Variants in NRG3 observed in about 807,000 individuals in gnomAD.
The protein encoded by NRG3 is neuregulin 3.
In NRG3, 31 loss-of-function variants were observed where a neutral mutation model predicts 66.9. The ratio of observed to expected loss-of-function variants is 0.46; its 90% confidence interval spans 0.35 to 0.63. The LOEUF (loss-of-function observed/expected upper bound fraction) is 0.63. Among genes scored for constraint, NRG3 ranks in the 20% least tolerant of loss-of-function variants. NRG3 has a pLI of 0.00. For synonymous variants in NRG3, 393 were observed against 359.4 expected (o/e 1.09, Z -1.06); for missense variants, 910 against 878.9 (o/e 1.04, Z -0.45).
chr10:82,632,727 T>C (rs1258934422), intron 2 of NRG3, among the ~76,000 whole-genome samples: 2 of 152,240 alleles, frequency 1.3e-5, no homozygotes, highest in Non-Finnish European at 2.9e-5. Context: ...CATAGTAATA[T>C]AAATCGTCTG....
intron 1 of NRG3, among the ~76,000 whole-genome samples, chr10:81,923,409 GT>G (rs1339462847): frequency 6.6e-6 from 1 of 152,108 alleles, no homozygotes; most frequent in Non-Finnish European, 1.5e-5. Context: ...GTTTCATCGT[GT>G]TAGCCAGAAT....
chr10:82,684,469 T>C (rs1012670818), intron 2 of NRG3, among the ~76,000 whole-genome samples: 3 of 152,158 alleles, frequency 2.0e-5, no homozygotes, highest in African/African-American at 7.2e-5. Context: ...TCCAATGCCA[T>C]TGAAAACCAA....
intron 1 of NRG3, among the ~76,000 whole-genome samples, chr10:82,334,095 G>C (rs185506370): frequency 1.3e-5 from 2 of 148,620 alleles, no homozygotes; most frequent in African/African-American, 5.0e-5. Context: ...GCGTGAACCC[G>C]GAAGGCGGAG....
intron 2 of NRG3, among the ~76,000 whole-genome samples, chr10:82,488,126 C>A (rs1464536482): frequency 6.6e-6 from 1 of 152,152 alleles, no homozygotes; most frequent in African/African-American, 2.4e-5. Flanking sequence ...TTGTTTATTG[C>A]ATGAAGTTGG....
chr10:82,537,720 A>G (rs111398471), intron 2 of NRG3, among the ~76,000 whole-genome samples: 4,130 of 152,250 alleles, frequency 0.027, 87 homozygotes, highest in Middle Eastern at 0.068. Flanking sequence ...AAAACTTTAT[A>G]CCTTCAATTT....
chr10:82,823,225 C>A (rs899434108), intron 3 of NRG3, among the ~76,000 whole-genome samples: 1 of 152,104 alleles, frequency 6.6e-6, no homozygotes, highest in Admixed American at 6.5e-5. Context: ...TTCTCTAGTA[C>A]CTGCAGGACT....
At chr10:82,277,348 T>A (rs1434528349) in intron 1 of NRG3, among the ~76,000 whole-genome samples, 2 of 152,092 alleles carry the variant, frequency 1.3e-5, no homozygotes, top group Non-Finnish European at 2.9e-5. Flanking sequence ...CCAGTTCAGA[T>A]AATTCTCTTC....
chr10:82,115,823 T>A (rs1382882398), intron 1 of NRG3, among the ~76,000 whole-genome samples: 1 of 152,140 alleles, frequency 6.6e-6, no homozygotes, highest in African/African-American at 2.4e-5. Flanking sequence ...GACTGCTCAG[T>A]AAATGCCTCT....
At chr10:82,359,975 G>A (rs2084024368) in intron 2 of NRG3, among the ~76,000 whole-genome samples, 1 of 152,136 alleles carries the variant, frequency 6.6e-6, no homozygotes, top group Non-Finnish European at 1.5e-5. Flanking sequence ...CAATGGCACA[G>A]GTTTGGAAGA....
intron 3 of NRG3, among the ~76,000 whole-genome samples, chr10:82,739,996 TTCTTTCTC>T (rs1352298168): frequency 8.5e-6 from 1 of 117,100 alleles, no homozygotes; most frequent in African/African-American, 2.6e-5. Flanking sequence ...TTCTTTCTTT[TTCTTTCTC>T]TCTCTTTTTT....
intron 1 of NRG3, among the ~76,000 whole-genome samples, chr10:82,327,063 C>T (rs1227499856): frequency 6.6e-6 from 1 of 152,102 alleles, no homozygotes; most frequent in Admixed American, 6.5e-5. Context: ...GTGATCAGTT[C>T]ATTGGAAGAA....
At chr10:82,338,421 C>G (rs1281766721) in intron 1 of NRG3, among the ~76,000 whole-genome samples, 1 of 152,190 alleles carries the variant, frequency 6.6e-6, no homozygotes, top group Non-Finnish European at 1.5e-5. Context: ...ACCACTCTCC[C>G]CTGCCCAGCA....
intron 1 of NRG3, among the ~76,000 whole-genome samples, chr10:82,318,706 C>T (rs2081413886): frequency 6.6e-6 from 1 of 152,216 alleles, no homozygotes; most frequent in African/African-American, 2.4e-5. Context: ...TGTCACCACT[C>T]TTCTCACTGT....
intron 2 of NRG3, among the ~76,000 whole-genome samples, chr10:82,474,990 A>AC (rs1365958892): frequency 6.6e-6 from 1 of 152,044 alleles, no homozygotes; most frequent in Non-Finnish European, 1.5e-5. Flanking sequence ...AAGAAAAAAA[A>AC]AAGGAAGAAA....
chr10:82,981,075 G>A (rs938205601), intron 8 of NRG3, among the ~76,000 whole-genome samples: 1 of 152,174 alleles, frequency 6.6e-6, no homozygotes, highest in African/African-American at 2.4e-5. Flanking sequence ...ATTGGGCACT[G>A]TTATGACCAT....
intron 1 of NRG3, among the ~76,000 whole-genome samples, chr10:82,349,323 C>T (rs993413229): frequency 7.2e-5 from 11 of 152,088 alleles, no homozygotes; most frequent in Non-Finnish European, 8.8e-5. Context: ...AATACCCTGC[C>T]TTGTGAGATG....
At chr10:82,489,032 A>C (rs1296919325) in intron 2 of NRG3, among the ~76,000 whole-genome samples, 2 of 152,166 alleles carry the variant, frequency 1.3e-5, no homozygotes, top group African/African-American at 4.8e-5. Flanking sequence ...GTGCTCTGCT[A>C]GGAGCTTTTG....
intron 1 of NRG3, among the ~76,000 whole-genome samples, chr10:82,220,668 A>G (rs990201705): frequency 1.5e-4 from 23 of 152,214 alleles, no homozygotes; most frequent in African/African-American, 5.3e-4. Flanking sequence ...TGTACATGCC[A>G]TATAACTATT....
chr10:82,102,412 A>T (rs1269550871), intron 1 of NRG3, among the ~76,000 whole-genome samples: 1 of 150,848 alleles, frequency 6.6e-6, no homozygotes, highest in Non-Finnish European at 1.5e-5. Flanking sequence ...ATGAAATCTG[A>T]CAATCCATTT....
Sources: allele counts gnomAD v4.1 joint callset (sites outside exome capture counted in the v4.1 genomes callset), GRCh38; gene constraint gnomAD v4.1.1; transcripts MANE v1.5; gene names NCBI Gene and HGNC (gene_info 2026-07-23, HGNC 2026-07-21).